Variants in SEMA5A observed in about 807,000 individuals in gnomAD.
The protein encoded by SEMA5A is semaphorin-5A.
A neutral mutation model predicts 135.5 loss-of-function variants in SEMA5A; 55 were observed. That is an observed-to-expected ratio of 0.41 (90% CI 0.33 to 0.51). SEMA5A has a LOEUF of 0.51. Among genes scored for constraint, SEMA5A ranks in the 20% least tolerant of loss-of-function variants. The pLI, the probability that SEMA5A is intolerant of heterozygous loss-of-function variation, is 0.37. For missense variants in SEMA5A, 1,290 were observed against 1,419.9 expected (o/e 0.91, Z 1.47); for synonymous variants, 580 against 546.5 (o/e 1.06, Z -0.85).
chr5:9,432,097 T>G (rs1330373004), intron 2 of SEMA5A, among the ~76,000 whole-genome samples: 4 of 152,174 alleles, frequency 2.6e-5, no homozygotes, highest in African/African-American at 9.7e-5. Context: ...CTGATGGAGA[T>G]AATGGAAGCT....
At position 9,536,619 on chromosome 5, in the gene SEMA5A, GA is replaced by G. The variant is rs199742682; in HGVS notation, c.-175+8964del. Among the ~76,000 whole-genome samples the G allele has an allele frequency of 1.0e-3, 140 of 139,530 alleles. 1 individual carries two copies. The highest frequency in any genetic ancestry group is 3.8e-3 in the Middle Eastern group (1 of 264). The allele number at this position is 139,530 out of a possible 152,430, so 91.5% of individuals were successfully genotyped here. On this transcript the variant is annotated intron_variant, in intron 1 of 22. Transcript: ENST00000382496. ...CAGAACAAGACTCCGTCTCAAAAAAGAAAAAAAAAAAAAGACAGGAAACTGC... is the reference window on the plus strand; with the variant it reads ...CAGAACAAGACTCCGTCTCAAAAAAGAAAAAAAAAAAAGACAGGAAACTGC...
chr5:9,446,851 A>T (rs898439743), intron 1 of SEMA5A, among the ~76,000 whole-genome samples: 1 of 152,172 alleles, frequency 6.6e-6, no homozygotes, highest in African/African-American at 2.4e-5. Context: ...GTTAAAACAT[A>T]AAAAAAGGGC....
intron 3 of SEMA5A, among the ~76,000 whole-genome samples, chr5:9,349,465 A>G (rs1754017445): frequency 6.6e-6 from 1 of 152,230 alleles, no homozygotes. Flanking sequence ...CACAAAAGAG[A>G]GTTAAACTGA....
chr5:9,382,680 C>T (rs1755667790), intron 2 of SEMA5A, among the ~76,000 whole-genome samples: 1 of 152,176 alleles, frequency 6.6e-6, no homozygotes, highest in South Asian at 2.1e-4. Flanking sequence ...GTCTCTCACC[C>T]ACTCAATATT....
At chr5:9,162,577 T>TACACATATATAC (rs1316347948) in intron 11 of SEMA5A, among the ~76,000 whole-genome samples, 10 of 128,506 alleles carry the variant, frequency 7.8e-5, no homozygotes, top group East Asian at 2.4e-4. Flanking sequence ...TATATATATA[T>TACACATATATAC]ATATATATAC....
intron 1 of SEMA5A, chr5:9,517,945 C>CGATTT (rs1736619043): frequency 6.6e-6 from 1 of 152,130 alleles, no homozygotes; most frequent in Admixed American, 6.5e-5. Context: ...ACAGAAGCAA[C>CGATTT]GATTTGCCTC....
At chr5:9,406,247 G>A (rs1039608895) in intron 2 of SEMA5A, among the ~76,000 whole-genome samples, 17 of 152,256 alleles carry the variant, frequency 1.1e-4, no homozygotes, top group Middle Eastern at 3.4e-3. Flanking sequence ...CAGAGGCAGC[G>A]ATACTAATTT....
intron 11 of SEMA5A, among the ~76,000 whole-genome samples, chr5:9,162,719 T>C (rs942829419): frequency 1.3e-5 from 2 of 151,700 alleles, no homozygotes; most frequent in Non-Finnish European, 2.9e-5. Context: ...ATTTGAACCT[T>C]CTTTCATCAT....
intron 6 of SEMA5A, chr5:9,237,586 G>A (rs1160232646): frequency 1.1e-5 from 4 of 350,732 alleles, no homozygotes. Context: ...TCTAATGACA[G>A]AAAGGGCAAA....
intron 2 of SEMA5A, among the ~76,000 whole-genome samples, chr5:9,413,242 G>C (rs974033660): frequency 6.6e-6 from 1 of 152,152 alleles, no homozygotes; most frequent in Non-Finnish European, 1.5e-5. Context: ...GTTTACAGGA[G>C]AATGGGCGTT....
At chr5:9,154,774 T>C in intron 11 of SEMA5A, 79 bp from the exon 12 acceptor site, 1 of 1,243,398 alleles carries the variant, frequency 8.0e-7, no homozygotes, top group Non-Finnish European at 1.2e-6. Flanking sequence ...GAGTGTGCTG[T>C]GTATGCAGCC....
chr5:9,221,531 T>G (rs532972659), intron 8 of SEMA5A, among the ~76,000 whole-genome samples: 6 of 151,980 alleles, frequency 3.9e-5, no homozygotes, highest in Non-Finnish European at 7.4e-5. Flanking sequence ...CTCGATCTCC[T>G]GACCTCGTGA....
intron 11 of SEMA5A, among the ~76,000 whole-genome samples, chr5:9,175,506 GT>G (rs1304683906): frequency 1.3e-5 from 2 of 152,134 alleles, no homozygotes; most frequent in African/African-American, 4.8e-5. Flanking sequence ...GGTTTGGTTT[GT>G]TCACTGACTT....
At chr5:9,153,602 T>C (rs962769466) in intron 12 of SEMA5A, among the ~76,000 whole-genome samples, 3 of 123,282 alleles carry the variant, frequency 2.4e-5, no homozygotes, top group African/African-American at 7.5e-5. Flanking sequence ...CCAAGGACAG[T>C]GGCGGGGGAG....
At chr5:9,515,065 A>G (rs1297289841) in intron 1 of SEMA5A, among the ~76,000 whole-genome samples, 2 of 152,228 alleles carry the variant, frequency 1.3e-5, no homozygotes, top group Non-Finnish European at 2.9e-5. Flanking sequence ...ACTACATCAT[A>G]GCCTAGCCTA....
At chr5:9,361,504 T>C (rs913129294) in intron 3 of SEMA5A, among the ~76,000 whole-genome samples, 2 of 152,220 alleles carry the variant, frequency 1.3e-5, no homozygotes, top group African/African-American at 4.8e-5. Flanking sequence ...TTGTGAGTTC[T>C]AGATAAATAC....
chr5:9,049,271 C>A (rs898770851), intron 21 of SEMA5A, among the ~76,000 whole-genome samples: 5 of 152,146 alleles, frequency 3.3e-5, no homozygotes, highest in African/African-American at 1.2e-4. Context: ...AAGAGAGTCT[C>A]CTGCCTCAGC....
intron 2 of SEMA5A, among the ~76,000 whole-genome samples, chr5:9,421,488 T>C (rs935247047): frequency 1.3e-5 from 2 of 152,206 alleles, no homozygotes; most frequent in African/African-American, 4.8e-5. Flanking sequence ...ATTTTTACAA[T>C]ATATATGCCC....
chr5:9,104,027 T>C (rs1358724289), intron 16 of SEMA5A, among the ~76,000 whole-genome samples: 2 of 152,166 alleles, frequency 1.3e-5, no homozygotes, highest in African/African-American at 2.4e-5. Flanking sequence ...TCAACCTAAA[T>C]AGGAGTAAAG....
Sources: gnomAD v4.1 joint callset for allele counts (sites outside exome capture counted in the v4.1 genomes callset) on GRCh38, gnomAD v4.1.1 for gene constraint, MANE v1.5 for transcripts, NCBI Gene and HGNC (gene_info 2026-07-23, HGNC 2026-07-21) for gene names.